The following ARHGEF28 variants were observed in gnomAD, a reference collection of about 807,000 sequenced individuals.
ARHGEF28 encodes Rho guanine nucleotide exchange factor 28, also known as 190 kDa guanine nucleotide exchange factor.
ARHGEF28 carries 152 observed loss-of-function variants against 206.6 expected under a neutral mutation model. The ratio of observed to expected loss-of-function variants is 0.74; its 90% CI spans 0.64 to 0.84. The LOEUF is 0.84. Among genes scored for constraint, ARHGEF28 ranks in the 40% least tolerant of loss-of-function variants. The pLI is 0.00. For missense variants in ARHGEF28, 2,028 were observed against 2,073.2 expected (o/e 0.98, Z 0.42); for synonymous variants, 763 against 776.4 (o/e 0.98, Z 0.29).
At chr5:73,926,344 G>C (rs1353294206) in intron 35 of ARHGEF28, among the ~76,000 whole-genome samples, 1 of 152,150 alleles carries the variant, frequency 6.6e-6, no homozygotes, top group Non-Finnish European at 1.5e-5. Flanking sequence ...TCTCGTTTCA[G>C]GGTGGCAGCA....
chr5:73,691,756 A>T (rs534358997), intron 2 of ARHGEF28, among the ~76,000 whole-genome samples: 1 of 152,330 alleles, frequency 6.6e-6, no homozygotes, highest in African/African-American at 2.4e-5. Flanking sequence ...AAGCCATCAG[A>T]CATAGCTCAA....
intron 33 of ARHGEF28, among the ~76,000 whole-genome samples, chr5:73,907,029 G>C (rs77614178): frequency 0.046 from 7,041 of 152,240 alleles, 256 homozygotes; most frequent in Non-Finnish European, 0.076. Flanking sequence ...TAGGACTTTT[G>C]AAAATGTGTT....
chr5:73,642,643 G>C (rs565845543), intron 1 of ARHGEF28, among the ~76,000 whole-genome samples: 1 of 151,244 alleles, frequency 6.6e-6, no homozygotes, highest in South Asian at 2.1e-4. Context: ...GTTCTTTATC[G>C]GCCTTGATTC....
At chr5:73,875,591 T>G (rs971966924) in intron 22 of ARHGEF28, among the ~76,000 whole-genome samples, 7 of 152,064 alleles carry the variant, frequency 4.6e-5, no homozygotes, top group South Asian at 2.1e-4. Flanking sequence ...TGAATTAATT[T>G]TTGTATAAGG....
chr5:73,704,749 G>T (rs1487286239), intron 2 of ARHGEF28, among the ~76,000 whole-genome samples: 1 of 152,108 alleles, frequency 6.6e-6, no homozygotes, highest in Non-Finnish European at 1.5e-5. Flanking sequence ...TTTAAATAAA[G>T]GCAGGAAAAC....
At chr5:73,837,770 C>A (rs967642375) in intron 10 of ARHGEF28, among the ~76,000 whole-genome samples, 1 of 142,828 alleles carries the variant, frequency 7.0e-6, no homozygotes, top group African/African-American at 2.6e-5. Context: ...GAGACAGAGT[C>A]TTCCTCTGTC....
intron 22 of ARHGEF28, among the ~76,000 whole-genome samples, chr5:73,875,130 A>T: frequency 6.6e-6 from 1 of 150,656 alleles, no homozygotes; most frequent in South Asian, 2.1e-4. Flanking sequence ...GTGAGATGGT[A>T]TCTCATTGTG....
rs759971545 is a variant in ARHGEF28 at position 73,776,652 on chromosome 5, A to G, written c.796A>G (p.Lys266Glu). The G allele has an allele frequency of 6.2e-7, 1 of 1,613,784 alleles. No homozygotes were observed. Among genetic ancestry groups the G allele is most frequent in the Non-Finnish European group, 8.5e-7 (1 of 1,179,728 alleles). The part of the protein sequence containing the change: ...TAEHLLEADI[K>E]LFRKYFWDRA... ...CGAGCATTTGTTGGAGGCAGATATT[A>G]AACTCTTCCGGAAATACTTTTGGGA... The change falls in exon 6 of 36, where the codon AAA (lysine) becomes GAA (glutamate). Residue 266 changes from lysine to glutamate, a missense_variant. Coordinates refer to ENST00000513042, the MANE Select transcript of ARHGEF28 (RefSeq NM_001177693.2).
At chr5:73,707,078 A>G (rs1196656739) in intron 2 of ARHGEF28, among the ~76,000 whole-genome samples, 1 of 151,038 alleles carries the variant, frequency 6.6e-6, no homozygotes, top group Non-Finnish European at 1.5e-5. Context: ...TCTGAGTCTG[A>G]CCTCCCTGCT....
In ARHGEF28 at chr5:73,909,471, G is replaced by A; in HGVS notation, c.4221G>A (p.Gln1407=). 6.2e-7 allele frequency: 1 copy of A among 1,613,034 alleles called. No homozygotes were observed. Among genetic ancestry groups the A allele is most frequent in the Non-Finnish European group, 8.5e-7 (1 of 1,179,716 alleles). The change falls in exon 34 of 36, where the codon CAG becomes CAA. Residue 1407 remains glutamine, a synonymous_variant. Transcript: ENST00000513042. ...TCCACAGGCTGGTTCTCCAGCAGCA[G>A]GAGGGCCTGTCTCTCGGCCACTCTA... The part of the protein sequence containing the change: ...IEIHRLVLQQ[Q]EGLSLGHSIL...
At chr5:73,913,159 C>T (rs922327428) in intron 35 of ARHGEF28, among the ~76,000 whole-genome samples, 5 of 152,286 alleles carry the variant, frequency 3.3e-5, no homozygotes, top group Admixed American at 3.3e-4. Flanking sequence ...GAGAAATGTA[C>T]TTACGCTTAA....
At chr5:73,791,372 G>A (rs1355128539) in intron 7 of ARHGEF28, among the ~76,000 whole-genome samples, 1 of 152,178 alleles carries the variant, frequency 6.6e-6, no homozygotes, top group African/African-American at 2.4e-5. Context: ...ACATTTGTGG[G>A]GGCAGGCAGA....
chr5:73,731,626 C>T (rs1316321354), intron 2 of ARHGEF28, among the ~76,000 whole-genome samples: 2 of 152,182 alleles, frequency 1.3e-5, no homozygotes, highest in African/African-American at 4.8e-5. Flanking sequence ...GAATTGCTTT[C>T]CTTTCTGCTA....
chr5:73,914,612 G>T (rs2111935899), intron 35 of ARHGEF28, among the ~76,000 whole-genome samples: 1 of 152,130 alleles, frequency 6.6e-6, no homozygotes, highest in East Asian at 1.9e-4. Flanking sequence ...GTCCAGGCTG[G>T]TCTCGAACTC....
intron 4 of ARHGEF28, among the ~76,000 whole-genome samples, chr5:73,770,109 A>G (rs1753141289): frequency 1.3e-5 from 2 of 152,256 alleles, no homozygotes; most frequent in African/African-American, 2.4e-5. Context: ...TTCCTTTAGT[A>G]ACACTTAAAC....
intron 35 of ARHGEF28, among the ~76,000 whole-genome samples, chr5:73,937,049 G>C (rs1433914864): frequency 6.6e-6 from 1 of 152,204 alleles, no homozygotes; most frequent in Non-Finnish European, 1.5e-5. Context: ...AGAGAAAAGT[G>C]TGAAAAATGA....
At chr5:73,923,458 T>C (rs1379141639) in intron 35 of ARHGEF28, among the ~76,000 whole-genome samples, 6 of 152,112 alleles carry the variant, frequency 3.9e-5, no homozygotes, top group African/African-American at 1.4e-4. Context: ...TGGTAGAAGT[T>C]ATCGTTGGTC....
intron 33 of ARHGEF28, among the ~76,000 whole-genome samples, chr5:73,906,084 A>G (rs1429810261): frequency 2.0e-5 from 3 of 152,340 alleles, no homozygotes; most frequent in Admixed American, 6.5e-5. Context: ...CTTCGACTCT[A>G]TCAAGACTTC....
intron 1 of ARHGEF28, among the ~76,000 whole-genome samples, chr5:73,666,360 G>C (rs925527935): frequency 9.2e-5 from 14 of 152,224 alleles, no homozygotes; most frequent in African/African-American, 3.1e-4. Flanking sequence ...TGTGCCTGCA[G>C]CTTGAGTTGC....
Sources: allele counts gnomAD v4.1 joint callset (sites outside exome capture counted in the v4.1 genomes callset), GRCh38; gene constraint gnomAD v4.1.1; transcripts MANE v1.5; gene names NCBI Gene and HGNC (gene_info 2026-07-23, HGNC 2026-07-21).